The following GTF2F1 variants were observed in gnomAD, a reference collection of about 807,000 sequenced individuals.
The protein encoded by GTF2F1 is general transcription factor IIF 74 kDa subunit.
In GTF2F1, 39 loss-of-function variants were observed where a neutral mutation model predicts 63.5. The ratio of observed to expected loss-of-function variants is 0.61; its 90% CI spans 0.48 to 0.80. The LOEUF (loss-of-function observed/expected upper bound fraction) is 0.80. Ranked by LOEUF, GTF2F1 falls within the 30% of genes least tolerant of loss-of-function variation. The pLI, the probability that GTF2F1 is intolerant of heterozygous loss-of-function variation, is 0.00. For synonymous variants in GTF2F1, 287 were observed against 285.3 expected (o/e 1.01, Z -0.06); for missense variants, 657 against 718.3 (o/e 0.91, Z 0.97).
At chr19:6,385,824 G>A (rs1379537354) in intron 5 of GTF2F1, among the ~76,000 whole-genome samples, 7 of 152,310 alleles carry the variant, frequency 4.6e-5, no homozygotes, top group African/African-American at 9.6e-5. Flanking sequence ...GGTGGCTCAC[G>A]CCTGTAATCC....
At chr19:6,382,361 G>T (rs2091956354) in intron 6 of GTF2F1, among the ~76,000 whole-genome samples, 1 of 152,170 alleles carries the variant, frequency 6.6e-6, no homozygotes, top group Non-Finnish European at 1.5e-5. Flanking sequence ...GCCGGGCGTG[G>T]TGGCTCACGC....
chr19:6,392,491 G>C (rs1462619979), intron 2 of GTF2F1: 9 of 530,948 alleles, frequency 1.7e-5, no homozygotes, highest in Non-Finnish European at 3.2e-5. Flanking sequence ...AGGGGTTGAG[G>C]GGAGGCACTC....
intron 4 of GTF2F1, 35 bp downstream of exon 4, chr19:6,389,409 C>A: frequency 1.2e-6 from 2 of 1,600,202 alleles, no homozygotes; most frequent in South Asian, 2.2e-5. Flanking sequence ...GTGGACTGGT[C>A]ACTAAGCCGG....
rs537844648 is a variant in GTF2F1, at chr19:6,381,243, G to A, written c.1019-48C>T. ...CAGGGCCAGAGCAACCCCGGGACCC[G>A]GTGCCCACTGGTGCCTCCACTGCAG... On this transcript the variant is annotated intron_variant, in intron 9 of 12. Transcript: ENST00000394456. The surrounding 1 kb of genome is among the most constrained non-coding windows in gnomAD (Gnocchi z 4.1). 2.3e-4 allele frequency: 363 copies of A among 1,565,470 alleles called. 2 individuals are homozygous for A. The South Asian group carries it at 2.7e-3, about 12-fold the overall frequency.
Position 6,380,177 on chromosome 19 carries a change from C to T in GTF2F1, c.*104G>A, listed in dbSNP as rs1438887277. Reference sequence around the variant, plus strand: ...GAAGGGTCACTGAGAGCCTGAAGTTCTGGAGGGCAGAGCCATGTATTGGAC... The same window carrying T: ...GAAGGGTCACTGAGAGCCTGAAGTTTTGGAGGGCAGAGCCATGTATTGGAC... On this transcript the variant is annotated 3_prime_UTR_variant, in exon 13 of 13. Transcript: ENST00000394456. This position sits in a 1 kb window ranked among gnomAD's most constrained non-coding sequence, Gnocchi z 5.3. 1.0e-6 allele frequency: 1 copy of T among 988,224 alleles called. No homozygotes were observed. The highest frequency in any genetic ancestry group is 1.6e-6 in the Non-Finnish European group (1 of 615,208). The allele number at this position is 988,224 out of a possible 1,614,324, so 61.2% of individuals were successfully genotyped here. A position where few individuals can be genotyped will look rare whatever the true frequency, so the allele number is the denominator to read the frequency against.
At position 6,393,127 on chromosome 19, in the gene GTF2F1, T is replaced by C. The variant is rs1340404984; in HGVS notation, c.-132A>G. 8.5e-7 allele frequency: 1 copy of C among 1,182,090 alleles called. No homozygotes were observed. Among genetic ancestry groups the C allele is most frequent in the Non-Finnish European group, 1.2e-6 (1 of 812,284 alleles). The allele number at this position is 1,182,090 out of a possible 1,614,324, so 73.2% of individuals were successfully genotyped here. On this transcript the variant is annotated 5_prime_UTR_variant, in exon 1 of 13. Coordinates refer to ENST00000394456, the MANE Select transcript of GTF2F1 (RefSeq NM_002096.3). The stretch of plus-strand genomic sequence containing the variant: ...TGTGCCTGAGCGAGGACCCCAACCC[T>C]AGGCGCCTCTGGCGCTGGGAAAAGG...
chr19:6,382,561 G>A (rs1332448939), intron 6 of GTF2F1, among the ~76,000 whole-genome samples: 2 of 151,422 alleles, frequency 1.3e-5, no homozygotes, highest in East Asian at 3.9e-4. Context: ...AACCTGGGAG[G>A]CAGAGGTTGC....
intron 3 of GTF2F1, chr19:6,390,541 A>G (rs1278779501): frequency 9.6e-6 from 1 of 103,732 alleles, no homozygotes; most frequent in Non-Finnish European, 1.7e-5. Context: ...AGCAAGACTC[A>G]GTCCCCAAAA....
At position 6,381,517 on chromosome 19, in the gene GTF2F1, C is replaced by G; in HGVS notation, c.898+37G>C. ...GGTATGAGCAAGAGCAGGGAAGCAC[C>G]GCCCCCATCTCCCCGGCCCGCCCAG... is the stretch of plus-strand genomic sequence containing the variant. On this transcript the variant is annotated intron_variant, in intron 8 of 12. Coordinates refer to ENST00000394456, the MANE Select transcript of GTF2F1 (RefSeq NM_002096.3). The surrounding 1 kb of genome is among the most constrained non-coding windows in gnomAD (Gnocchi z 4.1). 1 of 1,609,744 alleles carries G rather than the reference C, an allele frequency of 6.2e-7. No individual in the cohort carries two copies. The highest frequency in any genetic ancestry group is 8.5e-7 in the Non-Finnish European group (1 of 1,179,766).
intron 5 of GTF2F1, among the ~76,000 whole-genome samples, chr19:6,384,508 CAA>C (rs144809526): frequency 3.2e-4 from 43 of 135,422 alleles, no homozygotes; most frequent in Admixed American, 4.6e-4. Context: ...AATCTGTCTC[CAA>C]AAAAAAAAAA....
Position 6,380,706 on chromosome 19 carries a change from C to G in GTF2F1, c.1232-16G>C, listed in dbSNP as rs753102123. 2 of 1,607,430 alleles carry G rather than the reference C, an allele frequency of 1.2e-6. No homozygotes were observed. The highest frequency in any genetic ancestry group is 1.7e-4 in the Middle Eastern group (1 of 5,840). ...ACCCGCTTCCCTGTGGGAGTGGGGTCAGGGCTGAGTCTTGCAGGCAGGAGG... is the reference window on the plus strand; with the variant it reads ...ACCCGCTTCCCTGTGGGAGTGGGGTGAGGGCTGAGTCTTGCAGGCAGGAGG... On this transcript the variant is annotated splice_polypyrimidine_tract_variant and intron_variant, in intron 11 of 12. Coordinates refer to ENST00000394456, the MANE Select transcript of GTF2F1 (RefSeq NM_002096.3). The surrounding 1 kb of genome is among the most constrained non-coding windows in gnomAD (Gnocchi z 5.3).
In GTF2F1 at chr19:6,388,617, C is replaced by G. The variant is rs118024891; in HGVS notation, c.326+827G>C. Among the ~76,000 whole-genome samples, 623 of 152,310 alleles carry G rather than the reference C, an allele frequency of 4.1e-3. 7 individuals are homozygous for G. In the East Asian group the frequency reaches 0.043, roughly 11 times the overall value. Reference sequence around the variant, plus strand: ...TGTGGCACTCAGAGCTGCCTCAGAGCCAGGCACAAGCACCAACTCAGTGAA... The same window carrying G: ...TGTGGCACTCAGAGCTGCCTCAGAGGCAGGCACAAGCACCAACTCAGTGAA... On this transcript the variant is annotated intron_variant, in intron 4 of 12. Transcript: ENST00000394456.
intron 5 of GTF2F1, among the ~76,000 whole-genome samples, chr19:6,385,711 G>T (rs930337632): frequency 1.3e-5 from 2 of 152,112 alleles, no homozygotes; most frequent in Non-Finnish European, 2.9e-5. Context: ...CTCTGACTTC[G>T]TGCCATTTAC....
chr19:6,388,208 G>C (rs998031129), intron 4 of GTF2F1, among the ~76,000 whole-genome samples: 4 of 152,146 alleles, frequency 2.6e-5, no homozygotes, highest in African/African-American at 7.2e-5. Flanking sequence ...AGGATTACAG[G>C]CGTGAGCCAC....
intron 3 of GTF2F1, among the ~76,000 whole-genome samples, chr19:6,389,907 C>A (rs1428328732): frequency 1.3e-5 from 2 of 152,216 alleles, no homozygotes; most frequent in African/African-American, 4.8e-5. Context: ...GACCATCAAG[C>A]AGGCCATCGG....
chr19:6,391,439 G>GTTTTTTTTTTTTTTTTTTTTTTTTT (rs11340944), intron 3 of GTF2F1, among the ~76,000 whole-genome samples: 3 of 87,418 alleles, frequency 3.4e-5, no homozygotes, highest in African/African-American at 9.9e-5. Context: ...TGCCATTTCC[G>GTTTTTTTTTTTTTTTTTTTTTTTTT]TTTTTTTTTT....
In GTF2F1 at chr19:6,383,332, T is replaced by C. The variant is rs1429266053; in HGVS notation, c.661A>G (p.Ser221Gly). The C allele has an allele frequency of 2.5e-6, 4 of 1,614,082 alleles. No individual in the cohort carries two copies. The Admixed American group carries it at 5.0e-5, about 20-fold the overall frequency. The part of the protein sequence containing the change: ...EDDLEMSSDA[S>G]DASGEEGGRV... ...TCACCCTCCTCACCACTGGCATCACTGGCATCGGACGACATCTCCAGGTCG... is the reference window on the plus strand; with the variant it reads ...TCACCCTCCTCACCACTGGCATCACCGGCATCGGACGACATCTCCAGGTCG... The change falls in exon 6 of 13, where the codon AGT becomes GGT. Residue 221 changes from serine (S) to glycine (G), a missense_variant. This residue lies in a region of GTF2F1 where 602 missense variants were observed against 625.6 expected (regional missense o/e 0.96). Coordinates refer to ENST00000394456, the MANE Select transcript of GTF2F1 (RefSeq NM_002096.3). The surrounding 1 kb of genome is among the most constrained non-coding windows in gnomAD (Gnocchi z 4.5).
At chr19:6,385,855 G>A (rs2091971965) in intron 5 of GTF2F1, among the ~76,000 whole-genome samples, 1 of 152,178 alleles carries the variant, frequency 6.6e-6, no homozygotes, top group African/African-American at 2.4e-5. Context: ...GGAGGCCGAG[G>A]CAGGCAGATC....
rs957283186 is a variant in GTF2F1, at chr19:6,380,108, T to C, written c.*173A>G. On this transcript the variant is annotated 3_prime_UTR_variant, in exon 13 of 13. Transcript: ENST00000394456. The surrounding 1 kb of genome is among the most constrained non-coding windows in gnomAD (Gnocchi z 5.3). ...GGAGATGGCTTAACTTTTCCAGAATTGCTAACTACGGGGCCCTGGGAGTCA... is the reference window on the plus strand; with the variant it reads ...GGAGATGGCTTAACTTTTCCAGAATCGCTAACTACGGGGCCCTGGGAGTCA... 5 of 660,232 alleles carry C rather than the reference T, an allele frequency of 7.6e-6. No individual in the cohort carries two copies. Among genetic ancestry groups the C allele is most frequent in the Non-Finnish European group, 1.4e-5 (5 of 369,366 alleles). The allele number at this position is 660,232 out of a possible 1,614,324, so 40.9% of individuals were successfully genotyped here. A position where few individuals can be genotyped will look rare whatever the true frequency, so the allele number is the denominator to read the frequency against.
Sources: allele counts gnomAD v4.1 joint callset (sites outside exome capture counted in the v4.1 genomes callset), GRCh38; gene constraint gnomAD v4.1.1; regional missense constraint gnomAD v4.1.1; non-coding constraint Gnocchi (gnomAD v3.1); transcripts MANE v1.5; gene names NCBI Gene and HGNC (gene_info 2026-07-23, HGNC 2026-07-21).